The following PREX2 variants were observed in gnomAD, a reference collection of about 807,000 sequenced individuals.
PREX2 encodes phosphatidylinositol-3,4,5-trisphosphate dependent Rac exchange factor 2.
In PREX2, 107 loss-of-function variants were observed where a neutral mutation model predicts 203.2. The observed-to-expected ratio is 0.53, with a 90% confidence interval of 0.45 to 0.62. The LOEUF is 0.62. PREX2 is among the 20% of genes least tolerant of loss of function. The probability of loss-of-function intolerance (pLI) is 0.00; values close to 1 mark genes in which losing one functional copy is unlikely to be tolerated. For missense variants in PREX2, 1,777 were observed against 1,955.9 expected (o/e 0.91, Z 1.72); for synonymous variants, 672 against 663.6 (o/e 1.01, Z -0.19).
At chr8:68,215,636 G>A (rs528973079) in intron 37 of PREX2, among the ~76,000 whole-genome samples, 4 of 151,930 alleles carry the variant, frequency 2.6e-5, no homozygotes, top group East Asian at 1.9e-4. Flanking sequence ...CTGAGTTCAC[G>A]CCCTTCTCCT....
rs550284615 is a variant in PREX2, at chr8:68,179,765, G to T, written c.4347-11957G>T. On this transcript the variant is annotated intron_variant, in intron 35 of 39. Transcript: ENST00000288368. ...TATTTGTTGAAATAATTGACTGAAA[G>T]TATTAAGAACACATCCTTATGTCCA... 1.6e-3 allele frequency among the ~76,000 whole-genome samples: 250 copies of T among 152,264 alleles called. 4 individuals carry two copies. Among genetic ancestry groups the T allele is most frequent in the Non-Finnish European group, 5.9e-4 (40 of 68,016 alleles).
At chr8:67,980,804 G>A (rs1163145399) in intron 1 of PREX2, among the ~76,000 whole-genome samples, 2 of 152,316 alleles carry the variant, frequency 1.3e-5, no homozygotes, top group African/African-American at 4.8e-5. Context: ...AGAAGGACCT[G>A]TTTGCTTTGC....
At chr8:68,148,984 A>C (rs1171811461) in intron 34 of PREX2, among the ~76,000 whole-genome samples, 2 of 152,236 alleles carry the variant, frequency 1.3e-5, no homozygotes, top group Non-Finnish European at 1.5e-5. Context: ...GTGGTAAATG[A>C]AAGAGATTCC....
intron 35 of PREX2, among the ~76,000 whole-genome samples, chr8:68,175,334 T>C (rs35897257): frequency 0.3 from 44,991 of 152,050 alleles, 7,155 homozygotes; most frequent in South Asian, 0.36. Flanking sequence ...AGATGCCAGC[T>C]GAGACACTTC....
rs569375969 is a variant in PREX2 at position 68,001,132 on chromosome 8, C to A, written c.142-16714C>A. On this transcript the variant is annotated intron_variant, in intron 1 of 39. Transcript: ENST00000288368. ...ATTAAACTTAAGAGCTTCTTCACAG[C>A]CAAAGAAATTATCAGCAAACAGACA... Among the ~76,000 whole-genome samples the A allele has an allele frequency of 2.0e-5, 3 of 152,136 alleles. No homozygotes were observed. The South Asian group carries it at 6.2e-4, about 32-fold the overall frequency.
intron 35 of PREX2, 68 bp from the exon 36 acceptor site, chr8:68,191,654 G>C: frequency 4.5e-6 from 5 of 1,118,964 alleles, no homozygotes; most frequent in Non-Finnish European, 6.7e-6. Context: ...AGTGATTCTT[G>C]AACATCTTCA....
At chr8:67,962,233 G>A (rs1472289462) in intron 1 of PREX2, among the ~76,000 whole-genome samples, 1 of 152,156 alleles carries the variant, frequency 6.6e-6, no homozygotes, top group East Asian at 1.9e-4. Context: ...AAATGCTAAT[G>A]TTTTCCCTTG....
intron 34 of PREX2, among the ~76,000 whole-genome samples, chr8:68,153,881 A>G (rs1811491151): frequency 6.6e-6 from 1 of 152,238 alleles, no homozygotes; most frequent in Non-Finnish European, 1.5e-5. Flanking sequence ...CTGCCTTGTT[A>G]ATTTGGAATA....
chr8:68,055,057 T>C (rs910068977), intron 9 of PREX2, among the ~76,000 whole-genome samples: 2 of 152,240 alleles, frequency 1.3e-5, no homozygotes, highest in African/African-American at 4.8e-5. Flanking sequence ...AGGTTTCTCC[T>C]AACAGTGTCA....
At chr8:68,046,569 T>C (rs913895653) in intron 8 of PREX2, among the ~76,000 whole-genome samples, 8 of 152,136 alleles carry the variant, frequency 5.3e-5, no homozygotes, top group African/African-American at 1.9e-4. Flanking sequence ...GACCTTGTTG[T>C]GTATGAATTA....
chr8:68,187,072 A>G lies in PREX2; in HGVS notation c.4347-4650A>G, dbSNP rs200476038. On this transcript the variant is annotated intron_variant, in intron 35 of 39. Coordinates refer to ENST00000288368, the MANE Select transcript of PREX2 (RefSeq NM_024870.4). ...GGAACATCTTTTTCAGAAAGAACAG[A>G]GTGCTCCATGCAACCAGCTGTTTCT... Among the ~76,000 whole-genome samples, 38 of 151,286 alleles carry G rather than the reference A, an allele frequency of 2.5e-4. No individual in the cohort carries two copies. The East Asian group carries it at 6.8e-3, about 27-fold the overall frequency.
At chr8:67,971,573 A>G (rs930119298) in intron 1 of PREX2, among the ~76,000 whole-genome samples, 3 of 152,208 alleles carry the variant, frequency 2.0e-5, no homozygotes, top group African/African-American at 7.2e-5. Flanking sequence ...ATCATAATAG[A>G]ATGAATGATG....
intron 37 of PREX2, among the ~76,000 whole-genome samples, chr8:68,213,364 C>T (rs891232334): frequency 1.3e-5 from 2 of 152,150 alleles, no homozygotes; most frequent in Non-Finnish European, 2.9e-5. Flanking sequence ...AAGGCCCCTC[C>T]CAGAACCTGG....
chr8:68,184,883 A>T (rs1812158828), intron 35 of PREX2, among the ~76,000 whole-genome samples: 1 of 152,204 alleles, frequency 6.6e-6, no homozygotes, highest in African/African-American at 2.4e-5. Flanking sequence ...TCCTTGTGTG[A>T]AAAAGTGAGC....
At chr8:68,222,602 G>T (rs909893901) in intron 38 of PREX2, among the ~76,000 whole-genome samples, 5 of 151,544 alleles carry the variant, frequency 3.3e-5, no homozygotes, top group Non-Finnish European at 7.4e-5. Context: ...TATTATTGTT[G>T]TAGACAAGAT....
chr8:68,098,948 A>G (rs999412516), intron 22 of PREX2, among the ~76,000 whole-genome samples: 2 of 78,056 alleles, frequency 2.6e-5, no homozygotes, highest in African/African-American at 7.2e-5. Context: ...GTATATATAT[A>G]TATATATATA....
chr8:67,972,171 G>A (rs889230971), intron 1 of PREX2, among the ~76,000 whole-genome samples: 4 of 152,168 alleles, frequency 2.6e-5, no homozygotes, highest in African/African-American at 9.7e-5. Context: ...AGGGGCTCAG[G>A]TGTCTTTACT....
chr8:68,171,889 T>A (rs1034720716), intron 35 of PREX2, among the ~76,000 whole-genome samples: 2 of 152,186 alleles, frequency 1.3e-5, no homozygotes, highest in African/African-American at 4.8e-5. Flanking sequence ...AAATTTTTTT[T>A]ATTTATAGAG....
chr8:68,053,466 C>T (rs1364163393), intron 9 of PREX2, among the ~76,000 whole-genome samples: 1 of 152,164 alleles, frequency 6.6e-6, no homozygotes, highest in African/African-American at 2.4e-5. Context: ...TTATTTGATA[C>T]TTACAAAATT....
Sources: gnomAD v4.1 joint callset for allele counts (sites outside exome capture counted in the v4.1 genomes callset) on GRCh38, gnomAD v4.1.1 for gene constraint, MANE v1.5 for transcripts, NCBI Gene and HGNC (gene_info 2026-07-23, HGNC 2026-07-21) for gene names.